Variants in NCKAP5L observed in about 807,000 individuals in gnomAD.
NCKAP5L encodes the protein NCK associated protein 5 like, also known as nck-associated protein 5-like.
In NCKAP5L, 54 loss-of-function variants were observed where a neutral mutation model predicts 103.2. That is an observed-to-expected ratio of 0.52 (90% CI 0.42 to 0.66). The LOEUF is 0.66. NCKAP5L is among the 30% of genes least tolerant of loss of function. The probability of loss-of-function intolerance (pLI) is 0.00; values close to 1 mark genes in which losing one functional copy is unlikely to be tolerated. For synonymous variants in NCKAP5L, 762 were observed against 748.6 expected, an observed-to-expected ratio of 1.02 and a Z score of -0.29; for missense variants, 1,733 against 1,750.6, an observed-to-expected ratio of 0.99 and a Z score of 0.18.
chr12:49,798,469 G>C lies in NCKAP5L; in HGVS notation c.352-6C>G, dbSNP rs1293615282. ...TGGAGTGGAGTGAGTGGGATCTGCA[G>C]AGGGAGAGGCAGAGTTAGCACAGTA... On this transcript the variant is annotated splice_region_variant and splice_polypyrimidine_tract_variant and intron_variant, in intron 6 of 12. Transcript: ENST00000335999. 4.5e-6 allele frequency: 7 copies of C among 1,566,276 alleles called. No homozygotes were observed. Among genetic ancestry groups the C allele is most frequent in the Middle Eastern group, 1.7e-4 (1 of 5,876 alleles).
chr12:49,823,754 TG>T (rs1408962749), intron 1 of NCKAP5L, among the ~76,000 whole-genome samples: 1 of 152,002 alleles, frequency 6.6e-6, no homozygotes, highest in Admixed American at 6.6e-5. Context: ...CTGCTGGTGC[TG>T]GGTTTTAGAA....
chr12:49,797,087 TC>T lies in NCKAP5L; in HGVS notation c.772del (p.Glu258SerfsTer69). The T allele has an allele frequency of 6.3e-7, 1 of 1,585,314 alleles. No homozygotes were observed. The highest frequency in any genetic ancestry group is 8.6e-7 in the Non-Finnish European group (1 of 1,166,304). ...PGNLGGLLHW[E>X]RLLGGLGGEE... ...CCCTCCCAGACCCCCCAAGAGGCGC[TC>T]CCAGTGCAGCAGGCCTCCCAGGTTG... On this transcript the variant is annotated frameshift_variant, in exon 8 of 13. Transcript: ENST00000335999. LOFTEE classifies it high-confidence loss of function. The surrounding 1 kb of genome is among the most constrained non-coding windows in gnomAD (Gnocchi z 4.5).
chr12:49,794,968 C>G lies in NCKAP5L; in HGVS notation c.2892G>C (p.Glu964Asp), dbSNP rs762019764. The G allele has an allele frequency of 4.4e-6, 7 of 1,588,138 alleles. No homozygotes were observed. Among genetic ancestry groups the G allele is most frequent in the Non-Finnish European group, 6.0e-6 (7 of 1,167,938 alleles). The change falls in exon 8 of 13, where the codon GAG becomes GAC. Residue 964 changes from glutamate to aspartate, a missense_variant. Glu to Asp is a conservative substitution (Grantham distance 45). Coordinates refer to ENST00000335999, the MANE Select transcript of NCKAP5L (RefSeq NM_001037806.4). ...CCATCAGCTTGGAGATGTTGAGGCT[C>G]TCGGCCTCCAGCTTCCGGGCTTCCA... ...VKMEARKLEA[E>D]SLNISKLMAK...
In NCKAP5L at chr12:49,794,970, C is replaced by A; in HGVS notation, c.2890G>T (p.Glu964Ter). Residue 964 changes from glutamate to a stop codon, truncating the protein, a stop_gained, in exon 8 of 13, where the codon GAG becomes TAG. Transcript: ENST00000335999. LOFTEE classifies it high-confidence loss of function. Reference sequence around the variant, plus strand: ...ATCAGCTTGGAGATGTTGAGGCTCTCGGCCTCCAGCTTCCGGGCTTCCATC... The same window carrying A: ...ATCAGCTTGGAGATGTTGAGGCTCTAGGCCTCCAGCTTCCGGGCTTCCATC... ...VKMEARKLEA[E>*]SLNISKLMAK... 1 of 1,587,706 alleles carries A rather than the reference C, an allele frequency of 6.3e-7. No homozygotes were observed. The highest frequency in any genetic ancestry group is 8.6e-7 in the Non-Finnish European group (1 of 1,167,736).
rs1946008133 is a variant in NCKAP5L, at chr12:49,794,941, G to T, written c.2919C>A (p.Ala973=). 2 of 1,575,650 alleles carry T rather than the reference G, an allele frequency of 1.3e-6. No homozygotes were observed. The highest frequency in any genetic ancestry group is 1.7e-6 in the Non-Finnish European group (2 of 1,161,752). ...GTGCCCGACGCAGGTCTTCCGCCTT[G>T]GCCATCAGCTTGGAGATGTTGAGGC... ...AESLNISKLM[A]KAEDLRRALE... The change falls in exon 8 of 13, where the codon GCC becomes GCA. Residue 973 remains alanine (A), a synonymous_variant. Coordinates refer to ENST00000335999, the MANE Select transcript of NCKAP5L (RefSeq NM_001037806.4).
intron 10 of NCKAP5L, 66 bp from the exon 11 acceptor site, chr12:49,793,052 C>T: frequency 4.7e-6 from 6 of 1,270,246 alleles, no homozygotes; most frequent in Non-Finnish European, 6.4e-6. Context: ...CCTGCCTCCA[C>T]TTCCCGCCCA....
At chr12:49,794,607 C>CA (rs1555147591) in intron 8 of NCKAP5L, among the ~76,000 whole-genome samples, 158 bp downstream of exon 8, 2 of 117,680 alleles carry the variant, frequency 1.7e-5, no homozygotes, top group African/African-American at 7.9e-5. Context: ...AGTCACTGAC[C>CA]CCCCCACCAG....
chr12:49,824,177 G>C (rs1304961392), intron 1 of NCKAP5L, among the ~76,000 whole-genome samples: 1 of 152,224 alleles, frequency 6.6e-6, no homozygotes, highest in Non-Finnish European at 1.5e-5. Context: ...CAAGGCCTCT[G>C]TTCTTAAGCC....
At chr12:49,819,923 A>G (rs1416858697) in intron 1 of NCKAP5L, among the ~76,000 whole-genome samples, 2 of 152,374 alleles carry the variant, frequency 1.3e-5, no homozygotes, top group African/African-American at 2.4e-5. Context: ...AGGCAGCAAC[A>G]GAAGTGAGGA....
At position 49,796,711 on chromosome 12, in the gene NCKAP5L, C is replaced by T; in HGVS notation, c.1149G>A (p.Gly383=). ...SKGLPKSAWG[G]GTPEAHRPGF... ...CTGGCCTGTGGGCCTCTGGGGTACC[C>T]CCACCCCAAGCTGACTTGGGGAGGC... The change falls in exon 8 of 13, where the codon GGG becomes GGA. Residue 383 remains glycine, a synonymous_variant. Transcript: ENST00000335999. 1.2e-6 allele frequency: 2 copies of T among 1,603,376 alleles called. No homozygotes were observed. The highest frequency in any genetic ancestry group is 1.1e-5 in the South Asian group (1 of 90,024).
intron 1 of NCKAP5L, among the ~76,000 whole-genome samples, chr12:49,825,445 G>C (rs117048636): frequency 6.6e-6 from 1 of 152,162 alleles, no homozygotes; most frequent in Non-Finnish European, 1.5e-5. Context: ...GCATGATGGG[G>C]TCAGGGACCC....
Position 49,803,162 on chromosome 12 carries a change from C to G in NCKAP5L, c.127G>C (p.Glu43Gln). ...LLHRLRELEAENSALAQANEN... is the reference protein window; with the variant it reads ...LLHRLRELEAQNSALAQANEN... ...TTGGCCTGGGCAAGTGCCGAGTTCT[C>G]TGCCTGCAGGAGTGAGGGAGGAAGA... Residue 43 changes from glutamate to glutamine, a missense_variant, in exon 4 of 13, where the codon GAG becomes CAG. Glu to Gln is a conservative substitution (Grantham distance 29, BLOSUM62 2). Transcript: ENST00000335999. 6.2e-7 allele frequency: 1 copy of G among 1,613,898 alleles called. No individual in the cohort carries two copies. The highest frequency in any genetic ancestry group is 8.5e-7 in the Non-Finnish European group (1 of 1,180,040).
intron 1 of NCKAP5L, among the ~76,000 whole-genome samples, chr12:49,814,449 A>G (rs1422926005): frequency 6.8e-6 from 1 of 147,410 alleles, no homozygotes; most frequent in Non-Finnish European, 1.5e-5. Context: ...GTGCCATTGC[A>G]CTCCAGCCTG....
rs762257236 is a variant in NCKAP5L, at chr12:49,795,174, G to A, written c.2686C>T (p.Leu896=). The A allele has an allele frequency of 5.0e-6, 8 of 1,604,490 alleles. No homozygotes were observed. Among genetic ancestry groups the A allele is most frequent in the South Asian group, 1.1e-5 (1 of 90,504 alleles). Residue 896 remains leucine (L), a synonymous_variant, in exon 8 of 13, where the codon CTG becomes TTG. Transcript: ENST00000335999. The part of the protein sequence containing the change: ...KVMKGIEENV[L]RLQGQERAPG... ...GCTCGCTCCTGGCCCTGGAGCCGCA[G>A]CACGTTCTCCTCAATGCCCTTCATC...
In NCKAP5L at chr12:49,794,915, A is replaced by G; in HGVS notation, c.2945T>C (p.Leu982Pro). The G allele has an allele frequency of 6.5e-7, 1 of 1,541,422 alleles. No homozygotes were observed. The highest frequency in any genetic ancestry group is 8.7e-7 in the Non-Finnish European group (1 of 1,144,266). The change falls in exon 8 of 13, where the codon CTG becomes CCG. Residue 982 changes from leucine (L) to proline (P), a missense_variant. By Grantham distance (98) the Leu-to-Pro change is moderately conservative. Coordinates refer to ENST00000335999, the MANE Select transcript of NCKAP5L (RefSeq NM_001037806.4). ...MAKAEDLRRA[L>P]EEEKAYLSSR... ...GCTTAGGTAGGCCTTCTCCTCTTCCAGTGCCCGACGCAGGTCTTCCGCCTT... is the reference window on the plus strand; with the variant it reads ...GCTTAGGTAGGCCTTCTCCTCTTCCGGTGCCCGACGCAGGTCTTCCGCCTT...
chr12:49,806,917 GGA>G (rs1209884081), intron 1 of NCKAP5L, among the ~76,000 whole-genome samples: 1 of 152,208 alleles, frequency 6.6e-6, no homozygotes, highest in Non-Finnish European at 1.5e-5. Flanking sequence ...TTCCATAAAT[GGA>G]GACTTTTCAT....
rs763826938 is a variant in NCKAP5L, at chr12:49,803,123, C to T, written c.166G>A (p.Glu56Lys). Residue 56 changes from glutamate to lysine, a missense_variant, in exon 4 of 13, where the codon GAG becomes AAG. Coordinates refer to ENST00000335999, the MANE Select transcript of NCKAP5L (RefSeq NM_001037806.4). Reference sequence around the variant, plus strand: ...TCGTCCAGACAGCGCTCATAAGTCTCCCGCTGGTTTTCGTTGGCCTGGGCA... The same window carrying T: ...TCGTCCAGACAGCGCTCATAAGTCTTCCGCTGGTTTTCGTTGGCCTGGGCA... ...ALAQANENQRETYERCLDEVA... is the reference protein window; with the variant it reads ...ALAQANENQRKTYERCLDEVA... 1.2e-6 allele frequency: 2 copies of T among 1,614,266 alleles called. No homozygotes were observed. The highest frequency in any genetic ancestry group is 8.5e-7 in the Non-Finnish European group (1 of 1,180,050).
chr12:49,813,432 G>C lies in NCKAP5L; in HGVS notation c.-98-7391C>G, dbSNP rs191440124. The stretch of plus-strand genomic sequence containing the variant: ...CTTTGCATGTGCTTATTGGCCATTT[G>C]CATCTCTTCCTTGGAGAAATGTTTT... On this transcript the variant is annotated intron_variant, in intron 1 of 12. Coordinates refer to ENST00000335999, the MANE Select transcript of NCKAP5L (RefSeq NM_001037806.4). Among the ~76,000 whole-genome samples the C allele has an allele frequency of 1.1e-3, 169 of 152,310 alleles. 1 individual carries two copies. The highest frequency in any genetic ancestry group is 3.6e-3 in the Admixed American group (55 of 15,302).
chr12:49,814,485 A>G lies in NCKAP5L; in HGVS notation c.-98-8444T>C, dbSNP rs544212865. Among the ~76,000 whole-genome samples, 4 of 146,532 alleles carry G rather than the reference A, an allele frequency of 2.7e-5. No individual in the cohort carries two copies. The East Asian group carries it at 7.8e-4, about 29-fold the overall frequency. ...GGCGACAGTGTGAGACACCGTCTCA[A>G]AAAAAAAAAAAAAAGAAAAAGAAAA... is the stretch of plus-strand genomic sequence containing the variant. On this transcript the variant is annotated intron_variant, in intron 1 of 12. Coordinates refer to ENST00000335999, the MANE Select transcript of NCKAP5L (RefSeq NM_001037806.4).
Sources: allele counts gnomAD v4.1 joint callset (sites outside exome capture counted in the v4.1 genomes callset), GRCh38; gene constraint gnomAD v4.1.1; non-coding constraint Gnocchi (gnomAD v3.1); transcripts MANE v1.5; gene names NCBI Gene and HGNC (gene_info 2026-07-23, HGNC 2026-07-21).